Variants in ASAP2 observed in about 807,000 individuals in gnomAD.
ASAP2 encodes the protein arf-GAP with SH3 domain, ANK repeat and PH domain-containing protein 2.
In ASAP2, 45 loss-of-function variants were observed where a neutral mutation model predicts 131.4. The observed-to-expected ratio is 0.34, with a 90% CI of 0.27 to 0.44. ASAP2 has a LOEUF of 0.44. ASAP2 is among the 20% of genes least tolerant of loss of function. The pLI is 1.00. For missense variants in ASAP2, 1,011 were observed against 1,297.0 expected (o/e 0.78, Z 3.39); for synonymous variants, 510 against 503.0 (o/e 1.01, Z -0.19).
At position 9,384,990 on chromosome 2, in the gene ASAP2, T is replaced by G. The variant is rs113557667; in HGVS notation, c.2017-255T>G. ...TATAACCGAAGACTGTAACAAGGGA[T>G]TTGAGAGTTACGAGCCGGGAACTGT... On this transcript the variant is annotated intron_variant, in intron 20 of 27. Coordinates refer to ENST00000281419, the MANE Select transcript of ASAP2 (RefSeq NM_003887.3). Among the ~76,000 whole-genome samples, 224 of 152,290 alleles carry G rather than the reference T, an allele frequency of 1.5e-3. No individual in the cohort carries two copies. The Middle Eastern group carries it at 0.02, about 14-fold the overall frequency.
At chr2:9,387,131 G>C (rs978710975) in intron 21 of ASAP2, among the ~76,000 whole-genome samples, 4 of 151,034 alleles carry the variant, frequency 2.6e-5, no homozygotes, top group Non-Finnish European at 5.9e-5. Flanking sequence ...GGAGAATGGC[G>C]TAAACCCGGG....
chr2:9,224,362 G>A (rs1427476845), intron 1 of ASAP2, among the ~76,000 whole-genome samples: 1 of 152,106 alleles, frequency 6.6e-6, no homozygotes. Flanking sequence ...TTGGGACTAG[G>A]TATTACTTCT....
chr2:9,323,301 C>T (rs751653298), intron 6 of ASAP2, 51 bp downstream of exon 6: 30 of 1,605,964 alleles, frequency 1.9e-5, no homozygotes, highest in Non-Finnish European at 2.3e-5. Flanking sequence ...GCCGGCTCTG[C>T]CCTCACCTGT....
chr2:9,260,632 A>T (rs1665514651), intron 1 of ASAP2, among the ~76,000 whole-genome samples: 1 of 152,082 alleles, frequency 6.6e-6, no homozygotes, highest in African/African-American at 2.4e-5. Context: ...GGCCCCAGCA[A>T]TCCTGGTGGT....
intron 6 of ASAP2, 62 bp downstream of exon 6, chr2:9,323,312 G>A (rs530990740): frequency 3.1e-6 from 5 of 1,599,034 alleles, no homozygotes; most frequent in Non-Finnish European, 4.3e-6. Flanking sequence ...CCTCACCTGT[G>A]GGAGCATCTC....
intron 15 of ASAP2, among the ~76,000 whole-genome samples, chr2:9,367,255 A>G (rs1673550930): frequency 6.6e-6 from 1 of 150,396 alleles, no homozygotes. Flanking sequence ...CTAGTCTCGA[A>G]CTCCTGAGCT....
rs1280582536 is a variant in ASAP2 at position 9,250,964 on chromosome 2, A to G, written c.127-28353A>G. On this transcript the variant is annotated intron_variant, in intron 1 of 27. Coordinates refer to ENST00000281419, the MANE Select transcript of ASAP2 (RefSeq NM_003887.3). Reference sequence around the variant, plus strand: ...GGCGTGGTGAAAGTCAATTTCTTACAGAGATAAGATGGGAACCCGGAGTGG... The same window carrying G: ...GGCGTGGTGAAAGTCAATTTCTTACGGAGATAAGATGGGAACCCGGAGTGG... 5.3e-5 allele frequency among the ~76,000 whole-genome samples: 8 copies of G among 152,230 alleles called. No individual in the cohort carries two copies. The East Asian group carries it at 1.3e-3, about 26-fold the overall frequency.
chr2:9,400,697 T>C (rs1265969278), intron 25 of ASAP2, 45 bp from the exon 26 acceptor site: 2 of 1,513,392 alleles, frequency 1.3e-6, no homozygotes, highest in Admixed American at 3.3e-5. Context: ...ATCTCATGGC[T>C]GTGATTGATG....
Position 9,380,014 on chromosome 2 carries a change from A to G in ASAP2, c.1949-727A>G, listed in dbSNP as rs541467685. Reference sequence around the variant, plus strand: ...TCAAAAAAAAAAAAATAAATAAAGTATATACTTTCAGGGTTTATAGACTGC... The same window carrying G: ...TCAAAAAAAAAAAAATAAATAAAGTGTATACTTTCAGGGTTTATAGACTGC... On this transcript the variant is annotated intron_variant, in intron 19 of 27. Coordinates refer to ENST00000281419, the MANE Select transcript of ASAP2 (RefSeq NM_003887.3). 1.9e-3 allele frequency among the ~76,000 whole-genome samples: 285 copies of G among 151,760 alleles called. 1 individual carries two copies. Among genetic ancestry groups the G allele is most frequent in the African/African-American group, 6.1e-3 (254 of 41,394 alleles).
At chr2:9,261,787 C>T (rs1219470446) in intron 1 of ASAP2, among the ~76,000 whole-genome samples, 1 of 152,190 alleles carries the variant, frequency 6.6e-6, no homozygotes, top group African/African-American at 2.4e-5. Flanking sequence ...GGGAGAGGGG[C>T]AGACCTGGGG....
chr2:9,322,136 A>G (rs774664065), intron 5 of ASAP2, among the ~76,000 whole-genome samples: 19 of 152,182 alleles, frequency 1.2e-4, no homozygotes, highest in Non-Finnish European at 2.2e-4. Flanking sequence ...TAGACTCATT[A>G]AACAACAACA....
intron 1 of ASAP2, among the ~76,000 whole-genome samples, chr2:9,270,785 ATTTTTTT>A (rs35913703): frequency 2.1e-4 from 11 of 52,924 alleles, no homozygotes; most frequent in Admixed American, 2.9e-4. Context: ...AATTGTTTTC[ATTTTTTT>A]TTTTTTTTTT....
At chr2:9,376,336 A>C (rs1674393931) in intron 17 of ASAP2, among the ~76,000 whole-genome samples, 1 of 152,126 alleles carries the variant, frequency 6.6e-6, no homozygotes, top group South Asian at 2.1e-4. Context: ...TCACCCACCC[A>C]CCTGCTGAAA....
At chr2:9,335,848 C>A (rs1283653207) in intron 9 of ASAP2, among the ~76,000 whole-genome samples, 1 of 152,090 alleles carries the variant, frequency 6.6e-6, no homozygotes, top group African/African-American at 2.4e-5. Context: ...AGTATAAATC[C>A]ATTTCCTTGT....
intron 24 of ASAP2, among the ~76,000 whole-genome samples, chr2:9,396,525 C>T (rs1382832565): frequency 1.3e-5 from 2 of 152,160 alleles, no homozygotes; most frequent in Non-Finnish European, 2.9e-5. Context: ...AGTCCTCCCA[C>T]CTTGGCCTTT....
chr2:9,396,145 T>C (rs1035440471), intron 24 of ASAP2, among the ~76,000 whole-genome samples: 3 of 152,102 alleles, frequency 2.0e-5, no homozygotes, highest in Non-Finnish European at 4.4e-5. Flanking sequence ...GATTTTTGGC[T>C]AATTCTTCTG....
intron 15 of ASAP2, among the ~76,000 whole-genome samples, chr2:9,362,397 T>C (rs1272099996): frequency 6.6e-6 from 1 of 152,212 alleles, no homozygotes; most frequent in East Asian, 1.9e-4. Context: ...CAAAGGATTT[T>C]ATTTTTTTAA....
chr2:9,333,211 T>C (rs996812960), intron 7 of ASAP2, among the ~76,000 whole-genome samples: 2 of 152,266 alleles, frequency 1.3e-5, no homozygotes, highest in African/African-American at 2.4e-5. Flanking sequence ...TCTAATAAAC[T>C]GGCTAAAGTT....
At chr2:9,388,130 C>G (rs1675430816) in intron 21 of ASAP2, among the ~76,000 whole-genome samples, 164 bp from the exon 22 acceptor site, 1 of 152,172 alleles carries the variant, frequency 6.6e-6, no homozygotes, top group Non-Finnish European at 1.5e-5. Context: ...TTCACTCTTG[C>G]AGCTCTCACG....
Sources: gnomAD v4.1 joint callset for allele counts (sites outside exome capture counted in the v4.1 genomes callset) on GRCh38, gnomAD v4.1.1 for gene constraint, MANE v1.5 for transcripts, NCBI Gene and HGNC (gene_info 2026-07-23, HGNC 2026-07-21) for gene names.